Variants in ST18 observed in about 807,000 individuals in gnomAD.
ST18 encodes the protein suppression of tumorigenicity 18 protein.
In ST18, 50 loss-of-function variants were observed where a neutral mutation model predicts 110.0. The ratio of observed to expected loss-of-function variants is 0.45; its 90% CI spans 0.36 to 0.58. ST18 has a LOEUF of 0.58. Among genes scored for constraint, ST18 ranks in the 20% least tolerant of loss-of-function variants. ST18 has a pLI of 0.00. For missense variants in ST18, 1,306 were observed against 1,280.1 expected, an observed-to-expected ratio of 1.02 and a Z score of -0.31; for synonymous variants, 461 against 452.4, an observed-to-expected ratio of 1.02 and a Z score of -0.24.
At chr8:52,228,930 C>G (rs190830493) in intron 3 of ST18, among the ~76,000 whole-genome samples, 5 of 152,124 alleles carry the variant, frequency 3.3e-5, no homozygotes, top group Admixed American at 2.6e-4. Flanking sequence ...AAAGCATGTA[C>G]TCATTTGTAC....
intron 22 of ST18, among the ~76,000 whole-genome samples, chr8:52,126,583 C>T (rs2047155743): frequency 6.6e-6 from 1 of 152,132 alleles, no homozygotes; most frequent in Non-Finnish European, 1.5e-5. Context: ...TAAAGTGTTC[C>T]TTGACCTTTA....
chr8:52,186,935 G>T (rs2072519092), intron 8 of ST18, among the ~76,000 whole-genome samples: 1 of 152,124 alleles, frequency 6.6e-6, no homozygotes, highest in Non-Finnish European at 1.5e-5. Context: ...CCTGTTCCTT[G>T]TTCTGGTGGT....
chr8:52,139,477 T>A (rs1392249585), intron 17 of ST18, among the ~76,000 whole-genome samples: 4 of 152,116 alleles, frequency 2.6e-5, no homozygotes, highest in Admixed American at 6.6e-5. Flanking sequence ...TGCCTCAGCC[T>A]CCCGAATAGC....
intron 8 of ST18, among the ~76,000 whole-genome samples, chr8:52,189,734 G>A (rs1220218153): frequency 6.6e-6 from 1 of 152,114 alleles, no homozygotes; most frequent in African/African-American, 2.4e-5. Flanking sequence ...TGATACCTAG[G>A]GACTGAAGCT....
intron 2 of ST18, among the ~76,000 whole-genome samples, chr8:52,306,432 C>T (rs2095814009): frequency 6.6e-6 from 1 of 151,782 alleles, no homozygotes; most frequent in South Asian, 2.1e-4. Flanking sequence ...ATAGAGAAGA[C>T]GTGCGGTGAG....
chr8:52,209,006 G>C (rs907388852), intron 8 of ST18, among the ~76,000 whole-genome samples: 1 of 152,140 alleles, frequency 6.6e-6, no homozygotes, highest in Non-Finnish European at 1.5e-5. Context: ...TTCCCAGCAA[G>C]TATCATTAGC....
chr8:52,343,735 A>G (rs1048754119), intron 2 of ST18, among the ~76,000 whole-genome samples: 8 of 152,218 alleles, frequency 5.3e-5, no homozygotes, highest in African/African-American at 1.9e-4. Context: ...TAAGTAGAAT[A>G]ATGGGATTAC....
chr8:52,143,462 C>T (rs535618928), intron 16 of ST18, among the ~76,000 whole-genome samples: 15 of 150,710 alleles, frequency 1.0e-4, no homozygotes, highest in South Asian at 2.1e-4. Flanking sequence ...TCCAGCCTGG[C>T]GACAGAGCAA....
chr8:52,116,100 T>G (rs2042436941), intron 25 of ST18, among the ~76,000 whole-genome samples, 175 bp downstream of exon 25: 1 of 152,200 alleles, frequency 6.6e-6, no homozygotes, highest in African/African-American at 2.4e-5. Context: ...AATAAATGTA[T>G]CTACCATGTT....
chr8:52,361,866 A>G (rs1825880913), intron 2 of ST18, among the ~76,000 whole-genome samples: 1 of 151,884 alleles, frequency 6.6e-6, no homozygotes, highest in Non-Finnish European at 1.5e-5. Flanking sequence ...CTTTATTTCC[A>G]TCTCTGCAAT....
At chr8:52,306,741 G>T (rs2095819147) in intron 2 of ST18, among the ~76,000 whole-genome samples, 1 of 152,116 alleles carries the variant, frequency 6.6e-6, no homozygotes, top group Admixed American at 6.6e-5. Context: ...GAAACCAGGG[G>T]CCCTGAGGAT....
At chr8:52,160,224 GGATA>G (rs1480193223) in intron 14 of ST18, among the ~76,000 whole-genome samples, 2 of 152,248 alleles carry the variant, frequency 1.3e-5, no homozygotes, top group South Asian at 4.1e-4. Context: ...AAAATTGCAT[GGATA>G]GATAGATATA....
At chr8:52,389,184 C>T (rs1437077968) in intron 2 of ST18, among the ~76,000 whole-genome samples, 1 of 152,236 alleles carries the variant, frequency 6.6e-6, no homozygotes, top group African/African-American at 2.4e-5. Flanking sequence ...GCGAAAGTCG[C>T]CTTTGGAGGC....
chr8:52,161,384 A>G lies in ST18; in HGVS notation c.1585T>C (p.Phe529Leu), dbSNP rs2061418927. Residue 529 changes from phenylalanine to leucine, a missense_variant, in exon 14 of 26, where the codon TTT (phenylalanine) becomes CTT (leucine). Transcript: ENST00000689386. ...AGAGCTCAAAGCTTACATTCAGGAAATGGTGGTGTTTTTCGTCCTTGCACT... is the reference window on the plus strand; with the variant it reads ...AGAGCTCAAAGCTTACATTCAGGAAGTGGTGGTGTTTTTCGTCCTTGCACT... The part of the protein sequence containing the change: ...QTVQGRKTPP[F>L]PESKHFPNPV... 6.2e-7 allele frequency: 1 copy of G among 1,613,674 alleles called. No homozygotes were observed.
intron 2 of ST18, among the ~76,000 whole-genome samples, chr8:52,364,613 CA>C (rs1827096556): frequency 6.6e-6 from 1 of 152,142 alleles, no homozygotes; most frequent in South Asian, 2.1e-4. Context: ...CTACTGACAC[CA>C]ACATGTATTT....
chr8:52,378,894 T>C (rs1458022926), intron 2 of ST18, among the ~76,000 whole-genome samples: 1 of 152,068 alleles, frequency 6.6e-6, no homozygotes, highest in Non-Finnish European at 1.5e-5. Flanking sequence ...ACAAGCAAAA[T>C]AGACCTATGT....
intron 3 of ST18, among the ~76,000 whole-genome samples, chr8:52,229,304 G>A (rs2136826884): frequency 6.6e-6 from 1 of 152,342 alleles, no homozygotes; most frequent in Non-Finnish European, 1.5e-5. Flanking sequence ...GTCTGATACG[G>A]TCTCACCAGA....
chr8:52,353,725 G>C (rs1821410317), intron 2 of ST18, among the ~76,000 whole-genome samples: 1 of 152,298 alleles, frequency 6.6e-6, no homozygotes, highest in East Asian at 1.9e-4. Context: ...AGAAAAGAAA[G>C]GGTTGAATAT....
At chr8:52,127,081 C>T (rs948447039) in intron 22 of ST18, among the ~76,000 whole-genome samples, 2 of 152,088 alleles carry the variant, frequency 1.3e-5, no homozygotes, top group African/African-American at 4.8e-5. Context: ...AAGTTAGTTA[C>T]AACTCATCTG....
Sources: gnomAD v4.1 joint callset for allele counts (sites outside exome capture counted in the v4.1 genomes callset) on GRCh38, gnomAD v4.1.1 for gene constraint, MANE v1.5 for transcripts, NCBI Gene and HGNC (gene_info 2026-07-23, HGNC 2026-07-21) for gene names.